The following SNX29 variants were observed in gnomAD, a reference collection of about 807,000 sequenced individuals.
The protein encoded by SNX29 is sorting nexin-29.
SNX29 carries 78 observed loss-of-function variants against 102.1 expected under a neutral mutation model. The observed-to-expected ratio is 0.76, with a 90% CI of 0.64 to 0.92. The LOEUF is 0.92. Ranked by LOEUF, SNX29 falls within the 40% of genes least tolerant of loss-of-function variation. The pLI, the probability that SNX29 is intolerant of heterozygous loss-of-function variation, is 0.00. For synonymous variants in SNX29, 580 were observed against 414.5 expected (o/e 1.40, Z -4.85); for missense variants, 1,280 against 1,061.7 (o/e 1.21, Z -2.86).
rs142786483 is a variant in SNX29 at position 12,156,840 on chromosome 16, G to A, written c.1595+27082G>A. Among the ~76,000 whole-genome samples the A allele has an allele frequency of 3.3e-3, 503 of 152,280 alleles. 3 individuals carry two copies. The highest frequency in any genetic ancestry group is 0.011 in the African/African-American group (448 of 41,548). On this transcript the variant is annotated intron_variant, in intron 13 of 20. Coordinates refer to ENST00000566228, the MANE Select transcript of SNX29 (RefSeq NM_032167.5). Reference sequence around the variant, plus strand: ...GTCCCTCTGGGCACTGAGTTTCCTCGTGCCCCCCTCCCCTGGAGCTCGGGT... The same window carrying A: ...GTCCCTCTGGGCACTGAGTTTCCTCATGCCCCCCTCCCCTGGAGCTCGGGT...
At chr16:12,559,178 G>C (rs1037345928) in intron 20 of SNX29, among the ~76,000 whole-genome samples, 1 of 152,066 alleles carries the variant, frequency 6.6e-6, no homozygotes, top group African/African-American at 2.4e-5. Flanking sequence ...AGCCTGTTAG[G>C]TACTGGGCTA....
intron 19 of SNX29, among the ~76,000 whole-genome samples, chr16:12,516,681 A>T (rs2151937133): frequency 6.6e-6 from 1 of 152,288 alleles, no homozygotes; most frequent in South Asian, 2.1e-4. Flanking sequence ...TTTATTTTAC[A>T]AAATACCTTG....
intron 15 of SNX29, among the ~76,000 whole-genome samples, chr16:12,349,712 T>C (rs2081940850): frequency 6.6e-6 from 1 of 152,238 alleles, no homozygotes; most frequent in South Asian, 2.1e-4. Context: ...GTTGATAGCA[T>C]TGGTTTTATC....
intron 20 of SNX29, chr16:12,561,033 C>G (rs932005904): frequency 2.3e-5 from 5 of 221,904 alleles, no homozygotes; most frequent in African/African-American, 1.1e-4. Context: ...GTCTTGGAGA[C>G]CCATTTCAAA....
chr16:12,070,901 A>T (rs1233747988), intron 10 of SNX29, among the ~76,000 whole-genome samples: 10 of 152,072 alleles, frequency 6.6e-5, no homozygotes, highest in Non-Finnish European at 1.0e-4. Flanking sequence ...TGTGGTTTTG[A>T]TTTGCATTTC....
At chr16:12,551,296 C>T (rs2856781) in intron 20 of SNX29, among the ~76,000 whole-genome samples, 46,230 of 152,022 alleles carry the variant, frequency 0.3, 8,466 homozygotes, top group East Asian at 0.73. Flanking sequence ...ACCAGTTTGT[C>T]AGCCCACCAA....
At chr16:12,014,548 C>G (rs1487841959) in intron 3 of SNX29, among the ~76,000 whole-genome samples, 1 of 151,910 alleles carries the variant, frequency 6.6e-6, no homozygotes. Context: ...GCCTGACCAA[C>G]ATAGAGAAAC....
intron 20 of SNX29, among the ~76,000 whole-genome samples, chr16:12,564,821 G>T (rs1383339785): frequency 2.0e-5 from 3 of 151,738 alleles, no homozygotes; most frequent in African/African-American, 7.3e-5. Flanking sequence ...AGTCTCGGTG[G>T]TACACAACGC....
At position 12,468,025 on chromosome 16, in the gene SNX29, G is replaced by A. The variant is rs531134689; in HGVS notation, c.2038-9694G>A. On this transcript the variant is annotated intron_variant, in intron 18 of 20. Transcript: ENST00000566228. ...CCGGGCCCTGGTCACCTCCAGTATC[G>A]TCTTGGATCCCTCGTCCTCCCTGCC... Among the ~76,000 whole-genome samples the A allele has an allele frequency of 4.6e-5, 7 of 152,100 alleles. No individual in the cohort carries two copies. In the East Asian group the frequency reaches 7.7e-4, roughly 17 times the overall value.
intron 13 of SNX29, chr16:12,135,674 C>G (rs1035121932): frequency 5.6e-6 from 7 of 1,242,112 alleles, no homozygotes; most frequent in African/African-American, 1.5e-5. Context: ...CCAGTCTTTC[C>G]TGAAGCTGTG....
intron 16 of SNX29, among the ~76,000 whole-genome samples, chr16:12,370,966 C>T (rs1249789992): frequency 6.6e-6 from 1 of 152,222 alleles, no homozygotes; most frequent in African/African-American, 2.4e-5. Context: ...GGGGTGGGCA[C>T]CACCTTGGTA....
intron 14 of SNX29, among the ~76,000 whole-genome samples, chr16:12,243,384 T>TA (rs2078170001): frequency 6.6e-6 from 1 of 152,230 alleles, no homozygotes; most frequent in African/African-American, 2.4e-5. Context: ...ATTCCTCTCT[T>TA]ACACACCTGA....
At chr16:12,225,265 A>G (rs2077579614) in intron 14 of SNX29, among the ~76,000 whole-genome samples, 1 of 152,060 alleles carries the variant, frequency 6.6e-6, no homozygotes, top group Admixed American at 6.6e-5. Flanking sequence ...TGTATCATAA[A>G]CTTTGTAGTA....
At chr16:12,545,063 G>A (rs557648886) in intron 20 of SNX29, among the ~76,000 whole-genome samples, 2 of 152,280 alleles carry the variant, frequency 1.3e-5, no homozygotes, top group African/African-American at 2.4e-5. Context: ...CTGTAGCATA[G>A]CCACGAAATG....
chr16:12,535,111 C>T (rs1291025600), intron 20 of SNX29, among the ~76,000 whole-genome samples: 1 of 152,204 alleles, frequency 6.6e-6, no homozygotes, highest in Non-Finnish European at 1.5e-5. Flanking sequence ...ATGTATTTAG[C>T]ACCCGCCAGG....
rs374949142 is a variant in SNX29 at position 12,114,583 on chromosome 16, T to A, written c.1403-12050T>A. Among the ~76,000 whole-genome samples, 471 of 151,680 alleles carry A rather than the reference T, an allele frequency of 3.1e-3. 2 individuals are homozygous for A. The highest frequency in any genetic ancestry group is 0.01 in the African/African-American group (428 of 41,294). On this transcript the variant is annotated intron_variant, in intron 11 of 20. Coordinates refer to ENST00000566228, the MANE Select transcript of SNX29 (RefSeq NM_032167.5). Reference sequence around the variant, plus strand: ...GTATCGTCATTCCTTTTTTTTTTTTTAATTTTGTTTTTGTTCTTCTTGAGA... The same window carrying A: ...GTATCGTCATTCCTTTTTTTTTTTTAAATTTTGTTTTTGTTCTTCTTGAGA...
chr16:12,520,226 C>T (rs1038286351), intron 19 of SNX29, among the ~76,000 whole-genome samples: 1 of 152,258 alleles, frequency 6.6e-6, no homozygotes, highest in Middle Eastern at 3.4e-3. Flanking sequence ...CCCCACCTGC[C>T]CCTGCACCCA....
chr16:12,213,115 A>T (rs933465498), intron 14 of SNX29, among the ~76,000 whole-genome samples: 1 of 152,204 alleles, frequency 6.6e-6, no homozygotes, highest in Non-Finnish European at 1.5e-5. Context: ...CTCTGTCTCA[A>T]AAAAAGAAAA....
Position 11,999,320 on chromosome 16 carries a change from C to A in SNX29, c.31C>A (p.Gln11Lys). MSGSQNNDKR[Q>K]FLLERLLDAV... is the part of the protein sequence containing the mutation. ...AGGATCACAGAACAATGACAAAAGA[C>A]AATTTCTGCTGGAGCGACTGCTGGA... is the stretch of plus-strand genomic sequence containing the variant. The change falls in exon 2 of 21, where the codon CAA becomes AAA. Residue 11 changes from glutamine to lysine, a missense_variant. Coordinates refer to ENST00000566228, the MANE Select transcript of SNX29 (RefSeq NM_032167.5). The A allele has an allele frequency of 6.2e-7, 1 of 1,614,060 alleles. No homozygotes were observed. Among genetic ancestry groups the A allele is most frequent in the Non-Finnish European group, 8.5e-7 (1 of 1,179,964 alleles).
Sources: gnomAD v4.1 joint callset for allele counts (sites outside exome capture counted in the v4.1 genomes callset) on GRCh38, gnomAD v4.1.1 for gene constraint, MANE v1.5 for transcripts, NCBI Gene and HGNC (gene_info 2026-07-23, HGNC 2026-07-21) for gene names.